KIF2A: variants seen among roughly 807,000 people sequenced by gnomAD.
KIF2A encodes kinesin-like protein KIF2A.
Under a neutral mutation model 100.2 loss-of-function variants are expected in KIF2A, and 22 were observed. That is an observed-to-expected ratio of 0.22 (90% CI 0.16 to 0.31). The LOEUF (loss-of-function observed/expected upper bound fraction) is 0.31, where lower values mean the gene tolerates loss of function less well. Among genes scored for constraint, KIF2A ranks in the 10% least tolerant of loss-of-function variants. The pLI is 1.00. For synonymous variants in KIF2A, 268 were observed against 285.9 expected, an observed-to-expected ratio of 0.94 and a Z score of 0.63; for missense variants, 495 against 898.7, an observed-to-expected ratio of 0.55 and a Z score of 5.74.
rs370317467 is a variant in KIF2A at position 62,357,760 on chromosome 5, G to A, written c.709+15G>A. On this transcript the variant is annotated intron_variant, in intron 8 of 20. Transcript: ENST00000407818. ...CAATAAAAAAGGTATGGCACTTAAT[G>A]AGCTCTAATAAAAGATTGATTTTAT... 2.8e-6 allele frequency: 4 copies of A among 1,431,700 alleles called. No individual in the cohort carries two copies. Among genetic ancestry groups the A allele is most frequent in the Admixed American group, 3.5e-5 (2 of 57,528 alleles). 88.7% of individuals were successfully genotyped at this position (1,431,700 alleles called of 1,614,324 possible).
intron 1 of KIF2A, among the ~76,000 whole-genome samples, chr5:62,338,023 CAA>C (rs918248560): frequency 6.6e-6 from 1 of 152,034 alleles, no homozygotes; most frequent in African/African-American, 2.4e-5. Context: ...CCAAGAAGAT[CAA>C]AGAGACTCTT....
intron 1 of KIF2A, among the ~76,000 whole-genome samples, chr5:62,324,070 G>T (rs540270412): frequency 7.2e-5 from 11 of 151,914 alleles, no homozygotes; most frequent in Non-Finnish European, 1.3e-4. Flanking sequence ...AATTTTTAAT[G>T]AAAATTCTTT....
chr5:62,333,412 A>G (rs1746755752), intron 1 of KIF2A, among the ~76,000 whole-genome samples: 1 of 152,068 alleles, frequency 6.6e-6, no homozygotes, highest in Non-Finnish European at 1.5e-5. Flanking sequence ...TTGTACTGGG[A>G]GGGTGTCAGG....
At chr5:62,317,824 A>G (rs1405168882) in intron 1 of KIF2A, among the ~76,000 whole-genome samples, 1 of 152,220 alleles carries the variant, frequency 6.6e-6, no homozygotes, top group Non-Finnish European at 1.5e-5. Context: ...AATAATAAGT[A>G]GCTATTGCAC....
intron 1 of KIF2A, chr5:62,306,910 C>G: frequency 5.0e-6 from 1 of 201,730 alleles, no homozygotes; most frequent in Non-Finnish European, 1.0e-5. Context: ...CCCTGCCTCG[C>G]GCTTCCCCTT....
intron 1 of KIF2A, among the ~76,000 whole-genome samples, chr5:62,338,148 C>T (rs928210287): frequency 6.6e-6 from 1 of 152,040 alleles, no homozygotes; most frequent in African/African-American, 2.4e-5. Context: ...TGCATGTATG[C>T]TTGAACTATG....
chr5:62,329,065 TC>T (rs1175430141), intron 1 of KIF2A, among the ~76,000 whole-genome samples: 3 of 152,234 alleles, frequency 2.0e-5, no homozygotes, highest in Non-Finnish European at 4.4e-5. Context: ...ATAAAATTTG[TC>T]CCGTTTTTAA....
At chr5:62,334,076 G>A (rs1561257115) in intron 1 of KIF2A, among the ~76,000 whole-genome samples, 1 of 152,092 alleles carries the variant, frequency 6.6e-6, no homozygotes. Context: ...GCTTGCCAAT[G>A]TTCCTGTCCT....
At chr5:62,336,454 C>G (rs1746951416) in intron 1 of KIF2A, among the ~76,000 whole-genome samples, 1 of 152,154 alleles carries the variant, frequency 6.6e-6, no homozygotes. Flanking sequence ...TCTGTCTGTT[C>G]TGATTGGTCA....
chr5:62,363,059 C>G, intron 12 of KIF2A, 119 bp from the exon 13 acceptor site: 4 of 758,494 alleles, frequency 5.3e-6, no homozygotes, highest in Non-Finnish European at 8.2e-6. Context: ...AACTCCTGAG[C>G]TCAAGCCATC....
At chr5:62,313,901 C>T (rs994309154) in intron 1 of KIF2A, among the ~76,000 whole-genome samples, 1 of 152,044 alleles carries the variant, frequency 6.6e-6, no homozygotes, top group African/African-American at 2.4e-5. Context: ...AAGCAATCCT[C>T]TCACCTTAAC....
chr5:62,381,773 A>G (rs1390650854), intron 20 of KIF2A, among the ~76,000 whole-genome samples: 1 of 152,208 alleles, frequency 6.6e-6, no homozygotes, highest in East Asian at 1.9e-4. Flanking sequence ...TATGTTGCTC[A>G]GGCTGTCTCA....
rs1418908254 is a variant in KIF2A, at chr5:62,331,982, G to A, written c.65-15148G>A. On this transcript the variant is annotated intron_variant, in intron 1 of 20. Coordinates refer to ENST00000407818, the MANE Select transcript of KIF2A (RefSeq NM_001098511.3). ...TAATGAAATTTTATTAGTATTCTTGGCTGACTTATTTTGGCTCTTGTCTCC... is the reference window on the plus strand; with the variant it reads ...TAATGAAATTTTATTAGTATTCTTGACTGACTTATTTTGGCTCTTGTCTCC... Among the ~76,000 whole-genome samples, 3 of 151,808 alleles carry A rather than the reference G, an allele frequency of 2.0e-5. No homozygotes were observed. In the East Asian group the frequency reaches 5.8e-4, roughly 29 times the overall value.
At chr5:62,312,799 G>A (rs1436104901) in intron 1 of KIF2A, among the ~76,000 whole-genome samples, 3 of 152,220 alleles carry the variant, frequency 2.0e-5, no homozygotes, top group Middle Eastern at 3.2e-3. Context: ...TCTAGGCTGA[G>A]CATGGTAGTT....
At chr5:62,380,299 T>G (rs1741718210) in intron 19 of KIF2A, among the ~76,000 whole-genome samples, 1 of 152,204 alleles carries the variant, frequency 6.6e-6, no homozygotes, top group Non-Finnish European at 1.5e-5. Context: ...GCTCAGTAGC[T>G]TTATTATGCA....
chr5:62,355,640 G>A (rs1199358253), intron 7 of KIF2A, among the ~76,000 whole-genome samples: 1 of 152,038 alleles, frequency 6.6e-6, no homozygotes, highest in African/African-American at 2.4e-5. Flanking sequence ...TTTACTATTG[G>A]TAATTTGTTA....
At chr5:62,377,434 A>G (rs1003685902) in intron 18 of KIF2A, among the ~76,000 whole-genome samples, 3 of 152,214 alleles carry the variant, frequency 2.0e-5, no homozygotes, top group African/African-American at 7.2e-5. Flanking sequence ...GGCTAAGTGA[A>G]AAATATTCCC....
At chr5:62,369,628 C>T (rs1311779832) in intron 16 of KIF2A, among the ~76,000 whole-genome samples, 1 of 152,056 alleles carries the variant, frequency 6.6e-6, no homozygotes, top group Admixed American at 6.6e-5. Context: ...AGATTTTTAA[C>T]CTTCCTTGAT....
At chr5:62,333,824 C>T (rs1178341833) in intron 1 of KIF2A, among the ~76,000 whole-genome samples, 1 of 152,128 alleles carries the variant, frequency 6.6e-6, no homozygotes, top group African/African-American at 2.4e-5. Flanking sequence ...CTGCCCTTCA[C>T]ACAAGTATGA....
Sources: allele counts gnomAD v4.1 joint callset (sites outside exome capture counted in the v4.1 genomes callset), GRCh38; gene constraint gnomAD v4.1.1; transcripts MANE v1.5; gene names NCBI Gene and HGNC (gene_info 2026-07-23, HGNC 2026-07-21).